Variants in CCR3 observed in about 807,000 individuals in gnomAD.
CCR3 encodes C-C chemokine receptor type 3.
For missense variants in CCR3, 419 were observed against 437.5 expected, an observed-to-expected ratio of 0.96 and a Z score of 0.38; for synonymous variants, 203 against 179.2, an observed-to-expected ratio of 1.13 and a Z score of -1.06.
rs1171510383 is a variant in CCR3 at position 46,219,730 on chromosome 3, A to G, written c.-68+8823A>G. The stretch of plus-strand genomic sequence containing the variant: ...TCTTTGACAAAGCAAACAAAAACAT[A>G]AAGTGGGGAAAGGACACCCTTTCCA... On this transcript the variant is annotated intron_variant, in intron 2 of 3. Coordinates refer to the CCR3 transcript ENST00000357422. Among the ~76,000 whole-genome samples the G allele has an allele frequency of 2.0e-5, 3 of 152,326 alleles. No individual in the cohort carries two copies. The East Asian group carries it at 5.8e-4, about 29-fold the overall frequency.
upstream of CCR3, among the ~76,000 whole-genome samples, chr3:46,241,012 A>T (rs1291515205): frequency 6.6e-6 from 1 of 152,198 alleles, no homozygotes; most frequent in Non-Finnish European, 1.5e-5. Context: ...ATATTTGAGC[A>T]TTCTTGATAT....
At chr3:46,228,133 C>G (rs1699924744) in intron 2 of CCR3, among the ~76,000 whole-genome samples, 1 of 150,820 alleles carries the variant, frequency 6.6e-6, no homozygotes, top group Admixed American at 6.6e-5. Context: ...TTCCCAAACT[C>G]TTTCCCACCT....
At chr3:46,211,090 C>A (rs943653139) in intron 2 of CCR3, among the ~76,000 whole-genome samples, 2 of 151,876 alleles carry the variant, frequency 1.3e-5, no homozygotes, top group African/African-American at 4.8e-5. Context: ...CAATGGTTCT[C>A]GAATTTGAAT....
intron 2 of CCR3, among the ~76,000 whole-genome samples, chr3:46,215,859 A>G (rs1279354927): frequency 6.6e-6 from 1 of 152,174 alleles, no homozygotes; most frequent in Non-Finnish European, 1.5e-5. Context: ...TTGGTTGGTC[A>G]TGGGTTGTAG....
intron 1 of CCR3, among the ~76,000 whole-genome samples, chr3:46,260,358 C>A (rs913948644): frequency 3.9e-5 from 6 of 152,218 alleles, no homozygotes; most frequent in Non-Finnish European, 7.3e-5. Flanking sequence ...ACTCAAAAGT[C>A]CACAGTCCAA....
intron 2 of CCR3, among the ~76,000 whole-genome samples, chr3:46,225,055 A>G (rs1699879122): frequency 6.6e-6 from 1 of 152,204 alleles, no homozygotes; most frequent in Non-Finnish European, 1.5e-5. Flanking sequence ...TCAGTAGTAA[A>G]ACAGATAAAT....
chr3:46,265,415 C>G lies in CCR3; in HGVS notation c.257C>G (p.Thr86Ser), dbSNP rs189119289. 5.0e-6 allele frequency: 8 copies of G among 1,614,084 alleles called. No individual in the cohort carries two copies. In the Admixed American group the frequency reaches 1.2e-4, roughly 24 times the overall value. Reference protein sequence around the residue: ...LAISDLLFLVTLPFWIHYVRG... With the variant: ...LAISDLLFLVSLPFWIHYVRG... ...ATTTCGGACCTGCTCTTCCTCGTCA[C>G]CCTTCCATTCTGGATCCACTATGTC... Residue 86 changes from threonine (T) to serine (S), a missense_variant, in exon 2 of 2, where the codon ACC (threonine) becomes AGC (serine). Thr to Ser is a moderately conservative substitution (Grantham distance 58). Coordinates refer to ENST00000395940, the MANE Select transcript of CCR3 (RefSeq NM_178329.3).
rs141252964 is a variant in CCR3, at chr3:46,265,616, C to T, written c.458C>T (p.Thr153Ile). Residue 153 changes from threonine (T) to isoleucine (I), a missense_variant, in exon 2 of 2, where the codon ACC becomes ATC. Transcript: ENST00000395940. The part of the protein sequence containing the change: ...RARTVTFGVI[T>I]SIVTWGLAVL... ...CGGACTGTCACTTTTGGTGTCATCA[C>T]CAGCATCGTCACCTGGGGCCTGGCA... 48 of 1,614,022 alleles carry T rather than the reference C, an allele frequency of 3.0e-5. No homozygotes were observed. Among genetic ancestry groups the T allele is most frequent in the Non-Finnish European group, 3.9e-5 (46 of 1,180,034 alleles).
chr3:46,211,041 A>G (rs987646168), intron 2 of CCR3: 1 of 152,156 alleles, frequency 6.6e-6, no homozygotes, highest in Non-Finnish European at 1.5e-5. Context: ...GAATTTTAAT[A>G]TGTTAAAAAA....
chr3:46,260,096 C>A (rs535430659), intron 1 of CCR3, among the ~76,000 whole-genome samples: 1 of 152,170 alleles, frequency 6.6e-6, no homozygotes, highest in Non-Finnish European at 1.5e-5. Flanking sequence ...ACCATCAGAT[C>A]CCGTGAGACT....
intron 1 of CCR3, 67 bp from the exon 2 acceptor site, chr3:46,265,081 A>T: frequency 2.0e-6 from 2 of 1,004,314 alleles, no homozygotes; most frequent in South Asian, 3.1e-5. Flanking sequence ...GAATAAATCA[A>T]CTGGTGTGTT....
upstream of CCR3, among the ~76,000 whole-genome samples, chr3:46,242,050 T>C (rs1380650271): frequency 1.3e-5 from 2 of 151,892 alleles, no homozygotes; most frequent in Non-Finnish European, 2.9e-5. Flanking sequence ...GGAAAATCCC[T>C]TGAACCCAGG....
In CCR3 at chr3:46,254,178, G is replaced by T. The variant is rs556703865; in HGVS notation, c.-11-10970G>T. On this transcript the variant is annotated intron_variant, in intron 1 of 1. Transcript: ENST00000395940. ...GGTGCCATGTGAGGTCCTGATTTATGTACCAAAAAGCCACTTACAATTATG... is the reference window on the plus strand; with the variant it reads ...GGTGCCATGTGAGGTCCTGATTTATTTACCAAAAAGCCACTTACAATTATG... Among the ~76,000 whole-genome samples the T allele has an allele frequency of 2.6e-5, 4 of 152,226 alleles. No homozygotes were observed. The East Asian group carries it at 7.7e-4, about 29-fold the overall frequency.
intron 2 of CCR3, among the ~76,000 whole-genome samples, chr3:46,221,329 G>A (rs1462952477): frequency 6.6e-6 from 1 of 152,222 alleles, no homozygotes; most frequent in Non-Finnish European, 1.5e-5. Flanking sequence ...AAGGACAAAT[G>A]GATCTGACAA....
intron 2 of CCR3, among the ~76,000 whole-genome samples, chr3:46,217,298 C>G (rs1699786698): frequency 6.6e-6 from 1 of 152,106 alleles, no homozygotes; most frequent in Non-Finnish European, 1.5e-5. Context: ...AACACTGGAG[C>G]TCCCAAATTT....
At chr3:46,211,293 G>T (rs904030336) in intron 2 of CCR3, among the ~76,000 whole-genome samples, 2 of 150,676 alleles carry the variant, frequency 1.3e-5, no homozygotes, top group African/African-American at 4.9e-5. Context: ...CAACCTTCTG[G>T]GCTCAAGTGA....
chr3:46,265,009 T>C, intron 1 of CCR3, 139 bp from the exon 2 acceptor site: 1 of 638,588 alleles, frequency 1.6e-6, no homozygotes, highest in South Asian at 2.1e-5. Flanking sequence ...GATATGCCTT[T>C]TGAAATTCAT....
chr3:46,249,984 T>C (rs1700274314), intron 1 of CCR3, among the ~76,000 whole-genome samples: 1 of 151,928 alleles, frequency 6.6e-6, no homozygotes, highest in South Asian at 2.1e-4. Flanking sequence ...GGGAGCAGAT[T>C]GGGTAATAAA....
intron 1 of CCR3, among the ~76,000 whole-genome samples, chr3:46,242,963 G>GTATATATATATACATATA (rs529496808): frequency 1.2e-5 from 1 of 86,298 alleles, no homozygotes; most frequent in Non-Finnish European, 2.2e-5. Context: ...ATATATATGT[G>GTATATATATATACATATA]TATATATATA....
Sources: allele counts gnomAD v4.1 joint callset (sites outside exome capture counted in the v4.1 genomes callset), GRCh38; gene constraint gnomAD v4.1.1; transcripts MANE v1.5; gene names NCBI Gene and HGNC (gene_info 2026-07-23, HGNC 2026-07-21).